The following PACC1 variants were observed in gnomAD, a reference collection of about 807,000 sequenced individuals.
The protein encoded by PACC1 is proton-activated chloride channel.
In PACC1, 34 loss-of-function variants were observed where a neutral mutation model predicts 39.7. The ratio of observed to expected loss-of-function variants is 0.86; its 90% CI spans 0.65 to 1.14. PACC1 has a LOEUF of 1.14. PACC1 is among the 50% of genes most tolerant of loss of function. The pLI, the probability that PACC1 is intolerant of heterozygous loss-of-function variation, is 0.00. For missense variants in PACC1, 379 were observed against 436.4 expected (o/e 0.87, Z 1.17); for synonymous variants, 127 against 160.6 (o/e 0.79, Z 1.58).
intron 6 of PACC1, 150 bp downstream of exon 6, chr1:212,377,412 C>G: frequency 9.7e-7 from 1 of 1,033,918 alleles, no homozygotes; most frequent in Non-Finnish European, 1.4e-6. Context: ...GCATATGAAG[C>G]CCTCCATGGG....
At chr1:212,397,894 G>C (rs1661579781) in intron 2 of PACC1, among the ~76,000 whole-genome samples, 1 of 152,194 alleles carries the variant, frequency 6.6e-6, no homozygotes, top group African/African-American at 2.4e-5. Flanking sequence ...GTGGTTACGA[G>C]CATGAGCTTT....
rs1558172779 is a variant in PACC1, at chr1:212,386,973, C to T, written c.261G>A (p.Arg87=). ...GTTTCTCACGAAAGTCTGTGATGGTCCGGTAGACCAGGAAGACGGCCACAG... is the reference window on the plus strand; with the variant it reads ...GTTTCTCACGAAAGTCTGTGATGGTTCGGTAGACCAGGAAGACGGCCACAG... ...LMAVAVFLVY[R]TITDFREKLK... is the part of the protein sequence containing the mutation. Residue 87 remains arginine, a synonymous_variant, in exon 3 of 8, where the codon CGG becomes CGA. Transcript: ENST00000261455. This position sits in a 1 kb window ranked among gnomAD's most constrained non-coding sequence, Gnocchi z 5.0. 5.0e-6 allele frequency: 8 copies of T among 1,614,146 alleles called. No homozygotes were observed. The highest frequency in any genetic ancestry group is 1.7e-5 in the Admixed American group (1 of 60,016).
Position 212,381,699 on chromosome 1 carries a change from A to ACTG in PACC1, c.496-1663_496-1662insCAG, listed in dbSNP as rs879264412. 7.0e-3 allele frequency among the ~76,000 whole-genome samples: 428 copies of ACTG among 61,278 alleles called. 2 individuals are homozygous for ACTG. The highest frequency in any genetic ancestry group is 0.012 in the Non-Finnish European group (344 of 28,962). 40.2% of individuals were successfully genotyped at this position (61,278 alleles called of 152,430 possible). ...ACAGACACACACACACACACTGCAC[A>ACTG]CACACACACACACACACACACACAC... On this transcript the variant is annotated intron_variant, in intron 4 of 7. Transcript: ENST00000261455.
At chr1:212,387,173 A>C in intron 2 of PACC1, 73 bp from the exon 3 acceptor site, 2 of 1,500,676 alleles carry the variant, frequency 1.3e-6, no homozygotes, top group Non-Finnish European at 9.1e-7. Context: ...AGCAACCTCC[A>C]GGCCCTTGCC....
At chr1:212,405,434 A>G (rs1661872924) in intron 2 of PACC1, among the ~76,000 whole-genome samples, 1 of 152,238 alleles carries the variant, frequency 6.6e-6, no homozygotes, top group African/African-American at 2.4e-5. Flanking sequence ...ACTGTTACAA[A>G]GGAAAGCATA....
chr1:212,377,510 CT>C, intron 6 of PACC1, 51 bp downstream of exon 6: 1 of 1,608,252 alleles, frequency 6.2e-7, no homozygotes, highest in Non-Finnish European at 8.5e-7. Flanking sequence ...CCACCTCAGA[CT>C]CGAATGTGGA....
chr1:212,414,342 C>T (rs1465036285), intron 1 of PACC1, among the ~76,000 whole-genome samples: 2 of 152,332 alleles, frequency 1.3e-5, no homozygotes, highest in East Asian at 3.9e-4. Context: ...CGCGGGCGCT[C>T]CACTTGTTGC....
intron 7 of PACC1, among the ~76,000 whole-genome samples, chr1:212,365,935 C>A (rs1454759705): frequency 1.3e-5 from 2 of 152,190 alleles, no homozygotes; most frequent in Admixed American, 1.3e-4. Context: ...GTTCCCATCT[C>A]ATAGTTACCA....
chr1:212,385,532 A>C, intron 3 of PACC1, 107 bp from the exon 4 acceptor site: 3 of 1,203,638 alleles, frequency 2.5e-6, no homozygotes, highest in Non-Finnish European at 3.6e-6. Context: ...TCCCTGGAGG[A>C]CTGCAGGGAA....
intron 7 of PACC1, among the ~76,000 whole-genome samples, chr1:212,373,406 C>G (rs988314344): frequency 6.6e-6 from 1 of 152,024 alleles, no homozygotes; most frequent in African/African-American, 2.4e-5. Context: ...GAAGAAAACA[C>G]TGGGATAATG....
Position 212,389,640 on chromosome 1 carries a change from A to G in PACC1, c.134-2540T>C, listed in dbSNP as rs571668858. On this transcript the variant is annotated intron_variant, in intron 2 of 7. Coordinates refer to ENST00000261455, the MANE Select transcript of PACC1 (RefSeq NM_018252.3). ...GCAATTTAGCAGAGAGAAAATTTAC[A>G]GCACTTAAAGGAAAATATCTGAATA... 2.0e-5 allele frequency among the ~76,000 whole-genome samples: 3 copies of G among 152,344 alleles called. No individual in the cohort carries two copies. In the East Asian group the frequency reaches 5.8e-4, roughly 29 times the overall value.
At chr1:212,412,720 C>T (rs908604858) in intron 1 of PACC1, among the ~76,000 whole-genome samples, 1 of 152,156 alleles carries the variant, frequency 6.6e-6, no homozygotes, top group Non-Finnish European at 1.5e-5. Flanking sequence ...TTTTATAAGC[C>T]CTGCTAGGCT....
At position 212,414,801 on chromosome 1, in the gene PACC1, G is replaced by A; in HGVS notation, c.-44C>T. Reference sequence around the variant, plus strand: ...GGCACACCTGAGACCGCCCCAGCCCGCGGCGCACGGACGCAGCACTGCGGC... The same window carrying A: ...GGCACACCTGAGACCGCCCCAGCCCACGGCGCACGGACGCAGCACTGCGGC... On this transcript the variant is annotated 5_prime_UTR_variant, in exon 1 of 8. Coordinates refer to ENST00000261455, the MANE Select transcript of PACC1 (RefSeq NM_018252.3). The A allele has an allele frequency of 6.2e-7, 1 of 1,608,062 alleles. No homozygotes were observed. The highest frequency in any genetic ancestry group is 8.5e-7 in the Non-Finnish European group (1 of 1,175,372).
At chr1:212,370,600 G>A (rs1176629404) in intron 7 of PACC1, among the ~76,000 whole-genome samples, 7 of 152,170 alleles carry the variant, frequency 4.6e-5, no homozygotes, top group Non-Finnish European at 1.5e-5. Flanking sequence ...TAAGTATCTT[G>A]TCTGACCACA....
chr1:212,402,780 G>A (rs997142134), intron 2 of PACC1, among the ~76,000 whole-genome samples: 3 of 152,088 alleles, frequency 2.0e-5, no homozygotes, highest in Admixed American at 2.0e-4. Context: ...TCAGCCTTCT[G>A]AGTAGCTGGA....
intron 2 of PACC1, among the ~76,000 whole-genome samples, chr1:212,399,923 C>T (rs1661655885): frequency 6.6e-6 from 1 of 152,058 alleles, no homozygotes; most frequent in Non-Finnish European, 1.5e-5. Flanking sequence ...TGGTTCACCG[C>T]AACCTCCGCC....
At chr1:212,404,155 G>A (rs1571677406) in intron 2 of PACC1, among the ~76,000 whole-genome samples, 1 of 151,758 alleles carries the variant, frequency 6.6e-6, no homozygotes, top group African/African-American at 2.4e-5. Context: ...CGCCCAGGCT[G>A]GAGTACAGTG....
intron 2 of PACC1, among the ~76,000 whole-genome samples, chr1:212,398,135 T>A (rs1661588089): frequency 6.6e-6 from 1 of 152,176 alleles, no homozygotes; most frequent in Non-Finnish European, 1.5e-5. Context: ...ATGTACCCTC[T>A]ACCCTTCAAA....
intron 7 of PACC1, among the ~76,000 whole-genome samples, chr1:212,368,956 C>T (rs1223241443): frequency 4.0e-5 from 6 of 149,744 alleles, no homozygotes; most frequent in Middle Eastern, 3.5e-3. Flanking sequence ...GGTGTGAACC[C>T]GGGAGCTTGC....
Sources: allele counts gnomAD v4.1 joint callset (sites outside exome capture counted in the v4.1 genomes callset), GRCh38; gene constraint gnomAD v4.1.1; non-coding constraint Gnocchi (gnomAD v3.1); transcripts MANE v1.5; gene names NCBI Gene and HGNC (gene_info 2026-07-23, HGNC 2026-07-21).